Variants in FRRS1 observed in about 807,000 individuals in gnomAD.
FRRS1 encodes ferric chelate reductase 1, also known as ferric reductase 1.
A neutral mutation model predicts 70.7 loss-of-function variants in FRRS1; 51 were observed. That is an observed-to-expected ratio of 0.72 (90% CI 0.58 to 0.91). The LOEUF (loss-of-function observed/expected upper bound fraction) is 0.91. Ranked by LOEUF, FRRS1 falls within the 40% of genes least tolerant of loss-of-function variation. The pLI is 0.00. For missense variants in FRRS1, 672 were observed against 726.0 expected, an observed-to-expected ratio of 0.93 and a Z score of 0.86; for synonymous variants, 225 against 238.7, an observed-to-expected ratio of 0.94 and a Z score of 0.53.
intron 3 of FRRS1, 47 bp downstream of exon 3, chr1:99,748,526 T>C (rs769454615): frequency 2.9e-6 from 4 of 1,366,026 alleles, no homozygotes; most frequent in African/African-American, 2.9e-5. Context: ...CAATAAACAG[T>C]AAAAGAGTGA....
chr1:99,723,399 C>A (rs1384440590), intron 9 of FRRS1, among the ~76,000 whole-genome samples: 1 of 152,082 alleles, frequency 6.6e-6, no homozygotes, highest in African/African-American at 2.4e-5. Flanking sequence ...TGGCTGTAGT[C>A]CCAGCTACTA....
At chr1:99,753,149 G>A (rs1224860822) in intron 1 of FRRS1, among the ~76,000 whole-genome samples, 1 of 151,516 alleles carries the variant, frequency 6.6e-6, no homozygotes, top group East Asian at 1.9e-4. Context: ...AGAATTCAAG[G>A]TGGCAGTGAG....
At chr1:99,740,758 C>G in intron 6 of FRRS1, 35 bp downstream of exon 6, 1 of 1,471,454 alleles carries the variant, frequency 6.8e-7, no homozygotes, top group Non-Finnish European at 9.5e-7. Flanking sequence ...ATGGTGAAAC[C>G]CCATCTCTAC....
intron 1 of FRRS1, among the ~76,000 whole-genome samples, chr1:99,749,514 C>A (rs1447222566): frequency 6.6e-6 from 1 of 152,154 alleles, no homozygotes; most frequent in Non-Finnish European, 1.5e-5. Flanking sequence ...AATATCATCA[C>A]CTGAATAAAT....
intron 9 of FRRS1, among the ~76,000 whole-genome samples, chr1:99,725,041 C>T (rs913640189): frequency 3.9e-5 from 6 of 152,052 alleles, no homozygotes; most frequent in African/African-American, 7.2e-5. Flanking sequence ...AGAAGGGCAG[C>T]GATGGTTTTG....
intron 15 of FRRS1, 141 bp from the exon 16 acceptor site, chr1:99,709,400 T>C: frequency 3.2e-6 from 2 of 630,004 alleles, no homozygotes; most frequent in Non-Finnish European, 5.7e-6. Context: ...TATTGCAGAC[T>C]TCCTGAACAA....
intron 7 of FRRS1, among the ~76,000 whole-genome samples, chr1:99,736,568 A>G (rs563862334): frequency 3.5e-5 from 5 of 143,816 alleles, no homozygotes; most frequent in Admixed American, 2.8e-4. Flanking sequence ...GAATTGAACA[A>G]TGAGAACACA....
At chr1:99,759,201 A>G (rs1231279417) in intron 1 of FRRS1, among the ~76,000 whole-genome samples, 1 of 152,012 alleles carries the variant, frequency 6.6e-6, no homozygotes, top group East Asian at 1.9e-4. Context: ...CCCTGTTCTT[A>G]CACCCCCTCC....
chr1:99,733,171 G>A (rs1342218957), intron 7 of FRRS1, among the ~76,000 whole-genome samples: 1 of 152,042 alleles, frequency 6.6e-6, no homozygotes, highest in Non-Finnish European at 1.5e-5. Flanking sequence ...AATGTGGCTT[G>A]GGGAGAAAAT....
chr1:99,715,658 G>T lies in FRRS1; in HGVS notation c.1251C>A (p.Leu417=). The T allele has an allele frequency of 6.2e-7, 1 of 1,612,170 alleles. No homozygotes were observed. The highest frequency in any genetic ancestry group is 1.1e-5 in the South Asian group (1 of 91,012). ...EAAWFQVHRM[L]MFTTTVLTCI... ...AGGTGAGGACAGTTGTGGTGAACAT[G>T]AGCATCCGATGCACCTGCAAGGTAA... Residue 417 remains leucine (L), a synonymous_variant, in exon 12 of 17, where the codon CTC becomes CTA. Transcript: ENST00000646001.
intron 9 of FRRS1, among the ~76,000 whole-genome samples, chr1:99,720,603 A>T (rs1246957074): frequency 2.0e-5 from 3 of 152,166 alleles, no homozygotes; most frequent in Admixed American, 2.0e-4. Flanking sequence ...TTATCTGCCC[A>T]AAATGCAACA....
At chr1:99,760,721 C>T (rs1657075686) in intron 1 of FRRS1, among the ~76,000 whole-genome samples, 1 of 152,126 alleles carries the variant, frequency 6.6e-6, no homozygotes, top group Non-Finnish European at 1.5e-5. Context: ...GTGATCTTAG[C>T]TCACTGCAAC....
Position 99,741,011 on chromosome 1 carries a change from A to G in FRRS1, c.429-71T>C, listed in dbSNP as rs1655932110. ...CACAATCAGATCAAAACGTTAAAGG[A>G]AAAAAAAAAGAAAGACTAAACTAGA... On this transcript the variant is annotated intron_variant, in intron 5 of 16. Coordinates refer to ENST00000646001, the MANE Select transcript of FRRS1 (RefSeq NM_001361041.2). The G allele has an allele frequency of 4.0e-6, 4 of 1,005,820 alleles. No homozygotes were observed. In the South Asian group the frequency reaches 7.8e-5, roughly 20 times the overall value. The allele number at this position is 1,005,820 out of a possible 1,614,324, so 62.3% of individuals were successfully genotyped here.
At chr1:99,745,670 C>T (rs563460394) in intron 4 of FRRS1, among the ~76,000 whole-genome samples, 1 of 113,032 alleles carries the variant, frequency 8.8e-6, no homozygotes, top group African/African-American at 4.6e-5. Context: ...GATGACAGAG[C>T]GAGACTCTGT....
chr1:99,747,547 A>C, intron 3 of FRRS1, 117 bp from the exon 4 acceptor site: 1 of 947,252 alleles, frequency 1.1e-6, no homozygotes, highest in Non-Finnish European at 1.6e-6. Context: ...TCCTGGAGAG[A>C]AAACAGTCAT....
chr1:99,759,266 G>A (rs1260284894), intron 1 of FRRS1, among the ~76,000 whole-genome samples: 1 of 152,120 alleles, frequency 6.6e-6, no homozygotes. Flanking sequence ...GGGGCATCAG[G>A]GTCCTACAGA....
intron 1 of FRRS1, among the ~76,000 whole-genome samples, chr1:99,759,217 T>C (rs1258792472): frequency 2.6e-5 from 4 of 152,150 alleles, no homozygotes; most frequent in Admixed American, 6.5e-5. Flanking sequence ...CCTCCCCTTT[T>C]GAAACCCTTA....
At chr1:99,715,823 A>AT in intron 11 of FRRS1, 151 bp from the exon 12 acceptor site, 62 of 543,086 alleles carry the variant, frequency 1.1e-4, no homozygotes, top group Non-Finnish European at 1.3e-4. Context: ...AGCCAGGTTA[A>AT]GAAAAAAAAA....
chr1:99,709,347 C>T lies in FRRS1; in HGVS notation c.1625-88G>A, dbSNP rs1654170382. 6 of 862,120 alleles carry T rather than the reference C, an allele frequency of 7.0e-6. No individual in the cohort carries two copies. In the Admixed American group the frequency reaches 9.3e-5, roughly 13 times the overall value. 53.4% of individuals were successfully genotyped at this position (862,120 alleles called of 1,614,324 possible). ...AAAAAACCTGATTTGTACTGTTCAC[C>T]CCAATTTCCAGGGTAGAAATTCTCC... is the stretch of plus-strand genomic sequence containing the variant. On this transcript the variant is annotated intron_variant, in intron 15 of 16. Transcript: ENST00000646001.
Sources: gnomAD v4.1 joint callset for allele counts (sites outside exome capture counted in the v4.1 genomes callset) on GRCh38, gnomAD v4.1.1 for gene constraint, MANE v1.5 for transcripts, NCBI Gene and HGNC (gene_info 2026-07-23, HGNC 2026-07-21) for gene names.